Variants in PIK3CA observed in about 807,000 individuals in gnomAD.
PIK3CA encodes the protein phosphatidylinositol-4,5-bisphosphate 3-kinase catalytic subunit alpha, also known as phosphatidylinositol 4,5-bisphosphate 3-kinase catalytic subunit alpha isoform.
In PIK3CA, 27 loss-of-function variants were observed where a neutral mutation model predicts 138.2. The ratio of observed to expected loss-of-function variants is 0.20; its 90% CI spans 0.14 to 0.27. The LOEUF (loss-of-function observed/expected upper bound fraction) is 0.27, where lower values mean the gene tolerates loss of function less well. Ranked by LOEUF, PIK3CA falls within the 10% of genes least tolerant of loss-of-function variation. The pLI is 1.00. For missense variants in PIK3CA, 544 were observed against 1,277.4 expected (o/e 0.43, Z 8.75); for synonymous variants, 358 against 413.2 (o/e 0.87, Z 1.62).
In PIK3CA at chr3:179,235,689, G is replaced by A; in HGVS notation, c.*1325G>A. ...CATGAATAATACTTTAAAATATGGG[G>A]GAATAGAAACCATGAACTTTTTACC... On this transcript the variant is annotated 3_prime_UTR_variant, in exon 21 of 21. Transcript: ENST00000263967. 1 of 205,908 alleles carries A rather than the reference G, an allele frequency of 4.9e-6. No individual in the cohort carries two copies. Among genetic ancestry groups the A allele is most frequent in the Non-Finnish European group, 9.9e-6 (1 of 100,716 alleles). The allele number at this position is 205,908 out of a possible 1,614,324, so 12.8% of individuals were successfully genotyped here.
At chr3:179,203,122 A>G (rs954801055) in intron 4 of PIK3CA, among the ~76,000 whole-genome samples, 1 of 151,606 alleles carries the variant, frequency 6.6e-6, no homozygotes, top group Admixed American at 6.6e-5. Context: ...TTGTATTTTT[A>G]GTAGAGACGG....
At chr3:179,201,607 G>GTTTTTTTTT in intron 4 of PIK3CA, 67 bp downstream of exon 4, 1 of 793,684 alleles carries the variant, frequency 1.3e-6, no homozygotes, top group Non-Finnish European at 1.8e-6. Context: ...ATGAGTATCT[G>GTTTTTTTTT]TATTTTTTTT....
At chr3:179,171,757 A>G (rs551864607) in intron 1 of PIK3CA, among the ~76,000 whole-genome samples, 7 of 152,284 alleles carry the variant, frequency 4.6e-5, no homozygotes, top group African/African-American at 1.7e-4. Flanking sequence ...AAAACTTCCA[A>G]TAAAGAAAAT....
intron 1 of PIK3CA, among the ~76,000 whole-genome samples, chr3:179,198,036 G>A (rs2108384235): frequency 6.6e-6 from 1 of 152,262 alleles, no homozygotes. Flanking sequence ...ATTTGAGAAA[G>A]TAAATAGATC....
chr3:179,194,037 A>G (rs964631039), intron 1 of PIK3CA, among the ~76,000 whole-genome samples: 2 of 152,114 alleles, frequency 1.3e-5, no homozygotes, highest in African/African-American at 4.8e-5. Flanking sequence ...AAAATGTTAT[A>G]TATTCTGATT....
chr3:179,185,360 C>A (rs1333157499), intron 1 of PIK3CA, among the ~76,000 whole-genome samples: 4 of 152,148 alleles, frequency 2.6e-5, no homozygotes, highest in African/African-American at 9.7e-5. Context: ...TAGAAATAAA[C>A]CATTTTTCCT....
At chr3:179,208,023 T>A (rs1369562592) in intron 6 of PIK3CA, among the ~76,000 whole-genome samples, 1 of 152,254 alleles carries the variant, frequency 6.6e-6, no homozygotes, top group East Asian at 1.9e-4. Flanking sequence ...GACTAGCCAC[T>A]GCACTTCAGC....
At chr3:179,166,865 T>C (rs1322672408) in intron 1 of PIK3CA, among the ~76,000 whole-genome samples, 1 of 152,176 alleles carries the variant, frequency 6.6e-6, no homozygotes, top group Non-Finnish European at 1.5e-5. Flanking sequence ...ATAGGATACA[T>C]GTAGCCACGG....
At chr3:179,148,137 C>T (rs1199747479), upstream of PIK3CA, 1 of 152,204 alleles carries the variant, frequency 6.6e-6, no homozygotes, top group African/African-American at 2.4e-5. Context: ...TAGGCTCTGC[C>T]CCTCCTCAGC....
chr3:179,230,162 T>C lies in PIK3CA; in HGVS notation c.2784+41T>C, dbSNP rs2108424583. The stretch of plus-strand genomic sequence containing the variant: ...GTTTAAAATGTTTTGGTGTTCTTAA[T>C]TTATTCAAGACATTTTGTATCTGCA... On this transcript the variant is annotated intron_variant, in intron 19 of 20. Coordinates refer to ENST00000263967, the MANE Select transcript of PIK3CA (RefSeq NM_006218.4). This position sits in a 1 kb window ranked among gnomAD's most constrained non-coding sequence, Gnocchi z 5.4. 2.6e-6 allele frequency: 4 copies of C among 1,567,060 alleles called. No individual in the cohort carries two copies. Among genetic ancestry groups the C allele is most frequent in the Non-Finnish European group, 3.5e-6 (4 of 1,138,144 alleles).
rs1204283820 is a variant in PIK3CA at position 179,235,866 on chromosome 3, C to T, written c.*1502C>T. 2 of 212,744 alleles carry T rather than the reference C, an allele frequency of 9.4e-6. No homozygotes were observed. The highest frequency in any genetic ancestry group is 4.5e-5 in the African/African-American group (2 of 44,244). 13.2% of individuals were successfully genotyped at this position (212,744 alleles called of 1,614,324 possible). On this transcript the variant is annotated 3_prime_UTR_variant, in exon 21 of 21. Transcript: ENST00000263967. Reference sequence around the variant, plus strand: ...TTAAACATTTTGAAAAACATTAACCCAAGATGTAGAGGCTACTGCTAGTCG... The same window carrying T: ...TTAAACATTTTGAAAAACATTAACCTAAGATGTAGAGGCTACTGCTAGTCG...
intron 14 of PIK3CA, among the ~76,000 whole-genome samples, chr3:179,222,426 T>C (rs1420074475): frequency 6.6e-6 from 1 of 152,196 alleles, no homozygotes; most frequent in Non-Finnish European, 1.5e-5. Context: ...ATTGTATTTA[T>C]ATATTGTAAC....
At chr3:179,151,415 A>G (rs763948015) in intron 1 of PIK3CA, among the ~76,000 whole-genome samples, 13 of 152,322 alleles carry the variant, frequency 8.5e-5, no homozygotes, top group Non-Finnish European at 1.6e-4. Flanking sequence ...TCCATTTCCT[A>G]TATTTGCAGT....
intron 1 of PIK3CA, among the ~76,000 whole-genome samples, chr3:179,191,797 C>G (rs2108379487): frequency 6.6e-6 from 1 of 152,054 alleles, no homozygotes; most frequent in East Asian, 1.9e-4. Flanking sequence ...CCACCAGGGC[C>G]CAGCTAATTT....
In PIK3CA at chr3:179,239,283, T is replaced by C. The variant is rs568945581; in HGVS notation, c.*4919T>C. 5.3e-4 allele frequency: 108 copies of C among 203,534 alleles called. No homozygotes were observed. Among genetic ancestry groups the C allele is most frequent in the African/African-American group, 2.2e-3 (97 of 43,758 alleles). The allele number at this position is 203,534 out of a possible 1,614,324, so 12.6% of individuals were successfully genotyped here. On this transcript the variant is annotated 3_prime_UTR_variant, in exon 21 of 21. Transcript: ENST00000263967. ...TGTCACTATAATAATTTTGTGGTTA[T>C]GCTAAGAACCATGTATACTTTTAGG...
chr3:179,169,824 T>C (rs1057224496), intron 1 of PIK3CA, among the ~76,000 whole-genome samples: 2 of 152,192 alleles, frequency 1.3e-5, no homozygotes, highest in Non-Finnish European at 2.9e-5. Context: ...ATTACACACA[T>C]ACAAAAAAAC....
chr3:179,170,358 A>G (rs1723530236), intron 1 of PIK3CA, among the ~76,000 whole-genome samples: 1 of 152,232 alleles, frequency 6.6e-6, no homozygotes, highest in Non-Finnish European at 1.5e-5. Context: ...TTCTCCCCAA[A>G]GTGAAGCCAA....
chr3:179,235,122 T>TAA lies in PIK3CA; in HGVS notation c.*772_*773dup, dbSNP rs1327253616. On this transcript the variant is annotated 3_prime_UTR_variant, in exon 21 of 21. Coordinates refer to ENST00000263967, the MANE Select transcript of PIK3CA (RefSeq NM_006218.4). ...AGGGAAATTCTGGGCTCCCACAAAG[T>TAA]AAAAAAAAAAAAAAATCATAGAAAA... 31 of 155,966 alleles carry TAA rather than the reference T, an allele frequency of 2.0e-4. No individual in the cohort carries two copies. Among genetic ancestry groups the TAA allele is most frequent in the Admixed American group, 1.2e-3 (16 of 13,506 alleles). The allele number at this position is 155,966 out of a possible 1,614,324, so 9.7% of individuals were successfully genotyped here.
Position 179,230,945 on chromosome 3 carries a change from A to G in PIK3CA, c.2936+569A>G, listed in dbSNP as rs574596808. On this transcript the variant is annotated intron_variant, in intron 20 of 20. Coordinates refer to ENST00000263967, the MANE Select transcript of PIK3CA (RefSeq NM_006218.4). The surrounding 1 kb of genome is among the most constrained non-coding windows in gnomAD (Gnocchi z 5.4). ...AACCCAAGTAGTGTGCTTTGCCCCC[A>G]GTATATACTTTTTTATCCCTCACTG... Among the ~76,000 whole-genome samples the G allele has an allele frequency of 2.0e-5, 3 of 152,172 alleles. No individual in the cohort carries two copies. Among genetic ancestry groups the G allele is most frequent in the African/African-American group, 7.2e-5 (3 of 41,528 alleles).
Sources: allele counts gnomAD v4.1 joint callset (sites outside exome capture counted in the v4.1 genomes callset), GRCh38; gene constraint gnomAD v4.1.1; non-coding constraint Gnocchi (gnomAD v3.1); transcripts MANE v1.5; gene names NCBI Gene and HGNC (gene_info 2026-07-23, HGNC 2026-07-21).